Variants in HHAT observed in about 807,000 individuals in gnomAD.
HHAT encodes the protein protein-cysteine N-palmitoyltransferase HHAT.
HHAT carries 47 observed loss-of-function variants against 70.8 expected under a neutral mutation model. The ratio of observed to expected loss-of-function variants is 0.66; its 90% CI spans 0.53 to 0.85. HHAT has a LOEUF of 0.85. Among genes scored for constraint, HHAT ranks in the 40% least tolerant of loss-of-function variants. The probability of loss-of-function intolerance (pLI) is 0.00; values close to 1 mark genes in which losing one functional copy is unlikely to be tolerated. For synonymous variants in HHAT, 228 were observed against 247.6 expected, an observed-to-expected ratio of 0.92 and a Z score of 0.74; for missense variants, 609 against 604.8, an observed-to-expected ratio of 1.01 and a Z score of -0.07.
At chr1:210,606,391 T>G (rs1573675939) in intron 10 of HHAT, among the ~76,000 whole-genome samples, 1 of 152,332 alleles carries the variant, frequency 6.6e-6, no homozygotes. Context: ...CTTGCCATTT[T>G]TTTCTTTCAT....
intron 6 of HHAT, among the ~76,000 whole-genome samples, chr1:210,409,499 G>A (rs1213292460): frequency 6.6e-6 from 1 of 152,080 alleles, no homozygotes; most frequent in Admixed American, 6.6e-5. Context: ...AGTAATGTGG[G>A]TCTGATTAGG....
At chr1:210,556,500 C>T (rs1025892582) in intron 9 of HHAT, among the ~76,000 whole-genome samples, 6 of 152,216 alleles carry the variant, frequency 3.9e-5, no homozygotes, top group Non-Finnish European at 8.8e-5. Context: ...GGGCTGCCCT[C>T]CCTGCTGATC....
rs1477472411 is a variant in HHAT, at chr1:210,464,648, A to G, written c.1000A>G (p.Met334Val). Reference sequence around the variant, plus strand: ...GAGCACCATGTTCAGTTTCACCGGGATGTGGAGGTCAGGCGCTGGGATTGC... The same window carrying G: ...GAGCACCATGTTCAGTTTCACCGGGGTGTGGAGGTCAGGCGCTGGGATTGC... ...CVSTMFSFTG[M>V]WRYFDVGLHN... Residue 334 changes from methionine (M) to valine (V), a missense_variant, in exon 8 of 12, where the codon ATG becomes GTG. Met to Val is a conservative substitution (Grantham distance 21). Transcript: ENST00000261458. The G allele has an allele frequency of 1.9e-6, 3 of 1,614,116 alleles. No homozygotes were observed. The highest frequency in any genetic ancestry group is 8.5e-7 in the Non-Finnish European group (1 of 1,179,994).
rs1558447783 is a variant in HHAT, at chr1:210,404,447, T to A, written c.469-17T>A. ...TGCTGGCCACTCAAAGGTTGTTCTC[T>A]CCTTTTGATTTTGTAGAGAAGGTGG... On this transcript the variant is annotated splice_polypyrimidine_tract_variant and intron_variant, in intron 5 of 11. Coordinates refer to ENST00000261458, the MANE Select transcript of HHAT (RefSeq NM_018194.6). The A allele has an allele frequency of 1.3e-6, 2 of 1,597,538 alleles. No individual in the cohort carries two copies. The highest frequency in any genetic ancestry group is 1.1e-5 in the South Asian group (1 of 90,662).
chr1:210,398,703 T>C (rs1054321654), intron 4 of HHAT, among the ~76,000 whole-genome samples: 16 of 152,212 alleles, frequency 1.1e-4, no homozygotes, highest in Non-Finnish European at 1.2e-4. Context: ...CAAAAAAGAA[T>C]TCCATTGGTA....
At chr1:210,337,876 A>G (rs1466274387) in intron 1 of HHAT, among the ~76,000 whole-genome samples, 1 of 152,188 alleles carries the variant, frequency 6.6e-6, no homozygotes, top group African/African-American at 2.4e-5. Context: ...CAAAGAGCAC[A>G]CTTCCTGGTT....
At chr1:210,382,984 C>A (rs1258548243) in intron 3 of HHAT, among the ~76,000 whole-genome samples, 2 of 152,158 alleles carry the variant, frequency 1.3e-5, no homozygotes, top group East Asian at 3.9e-4. Flanking sequence ...CTTTCTCTGA[C>A]CTCCAGTTAA....
At chr1:210,474,127 A>G (rs941384018) in intron 8 of HHAT, among the ~76,000 whole-genome samples, 1 of 152,128 alleles carries the variant, frequency 6.6e-6, no homozygotes, top group Non-Finnish European at 1.5e-5. Flanking sequence ...TCCACAAGCC[A>G]CTGAATCAGT....
intron 3 of HHAT, chr1:210,374,118 G>A (rs1052846841): frequency 1.4e-5 from 2 of 146,664 alleles, no homozygotes; most frequent in East Asian, 4.0e-4. Context: ...GCACCATAAT[G>A]TTTTCCTCTT....
chr1:210,653,650 G>T (rs1675665147), intron 11 of HHAT, among the ~76,000 whole-genome samples: 1 of 152,112 alleles, frequency 6.6e-6, no homozygotes, highest in Non-Finnish European at 1.5e-5. Flanking sequence ...AGGAACTGAG[G>T]GATTAGACAG....
chr1:210,331,620 T>C (rs1022482661), intron 1 of HHAT, among the ~76,000 whole-genome samples: 1 of 152,172 alleles, frequency 6.6e-6, no homozygotes, highest in South Asian at 2.1e-4. Flanking sequence ...TCAAACTCTT[T>C]TGAAAGCTGA....
intron 11 of HHAT, among the ~76,000 whole-genome samples, chr1:210,640,393 T>C (rs1672752396): frequency 6.6e-6 from 1 of 152,150 alleles, no homozygotes; most frequent in African/African-American, 2.4e-5. Flanking sequence ...GAGAATTGTT[T>C]GGGGCTAAGG....
At chr1:210,575,990 A>G (rs1314613343) in intron 9 of HHAT, among the ~76,000 whole-genome samples, 3 of 152,200 alleles carry the variant, frequency 2.0e-5, no homozygotes, top group East Asian at 3.9e-4. Context: ...ACTTACCCTG[A>G]CACACCCACA....
chr1:210,666,633 G>A (rs945109055), intron 11 of HHAT, among the ~76,000 whole-genome samples: 3 of 152,188 alleles, frequency 2.0e-5, no homozygotes, highest in Admixed American at 6.5e-5. Context: ...ACAGGTGCAC[G>A]CCACCACGCC....
At chr1:210,387,628 T>C (rs1172724329) in intron 4 of HHAT, 47 bp downstream of exon 4, 2 of 1,464,818 alleles carry the variant, frequency 1.4e-6, no homozygotes, top group Non-Finnish European at 1.9e-6. Context: ...TTTCCTTTGC[T>C]TCTTGTGAAG....
intron 11 of HHAT, among the ~76,000 whole-genome samples, chr1:210,663,929 GAA>G (rs1678339141): frequency 6.6e-6 from 1 of 152,254 alleles, no homozygotes; most frequent in Non-Finnish European, 1.5e-5. Flanking sequence ...ACGTGAAAGT[GAA>G]AGTGACAGCT....
chr1:210,495,544 G>A (rs184957931), intron 8 of HHAT, among the ~76,000 whole-genome samples: 8 of 152,212 alleles, frequency 5.3e-5, no homozygotes, highest in Admixed American at 2.0e-4. Context: ...GATATGGTTT[G>A]TTAGCAATAA....
intron 8 of HHAT, among the ~76,000 whole-genome samples, chr1:210,483,999 C>T (rs938873590): frequency 1.6e-4 from 24 of 152,120 alleles, no homozygotes; most frequent in East Asian, 3.8e-4. Context: ...ACTGATTGAC[C>T]GGCTCAACTT....
intron 10 of HHAT, among the ~76,000 whole-genome samples, chr1:210,608,999 C>T (rs1666070439): frequency 6.6e-6 from 1 of 152,076 alleles, no homozygotes; most frequent in African/African-American, 2.4e-5. Context: ...CTTATAAAAC[C>T]GTCAGAGCTC....
Sources: allele counts gnomAD v4.1 joint callset (sites outside exome capture counted in the v4.1 genomes callset), GRCh38; gene constraint gnomAD v4.1.1; transcripts MANE v1.5; gene names NCBI Gene and HGNC (gene_info 2026-07-23, HGNC 2026-07-21).